TMTC1: variants seen among roughly 807,000 people sequenced by gnomAD.
The protein encoded by TMTC1 is protein O-mannosyl-transferase TMTC1.
A neutral mutation model predicts 104.8 loss-of-function variants in TMTC1; 73 were observed. The ratio of observed to expected loss-of-function variants is 0.70; its 90% CI spans 0.58 to 0.85. TMTC1 has a LOEUF of 0.85. Ranked by LOEUF, TMTC1 falls within the 40% of genes least tolerant of loss-of-function variation. TMTC1 has a pLI of 0.00. For synonymous variants in TMTC1, 434 were observed against 428.7 expected (o/e 1.01, Z -0.15); for missense variants, 1,035 against 1,096.1 (o/e 0.94, Z 0.79).
chr12:29,782,389 A>G (rs1943854334), intron 1 of TMTC1, among the ~76,000 whole-genome samples: 1 of 152,224 alleles, frequency 6.6e-6, no homozygotes, highest in South Asian at 2.1e-4. Context: ...TCTCATCCAG[A>G]GCAGGCTTTT....
At chr12:29,709,266 G>A (rs1370205696) in intron 5 of TMTC1, among the ~76,000 whole-genome samples, 1 of 152,146 alleles carries the variant, frequency 6.6e-6, no homozygotes, top group Admixed American at 6.5e-5. Flanking sequence ...ATCACCAGGT[G>A]TGACCTTAAG....
At chr12:29,522,754 C>A (rs947021817) in intron 11 of TMTC1, among the ~76,000 whole-genome samples, 6 of 152,190 alleles carry the variant, frequency 3.9e-5, no homozygotes, top group Non-Finnish European at 8.8e-5. Flanking sequence ...GATTTGACTG[C>A]GTGGATTCAA....
intron 14 of TMTC1, among the ~76,000 whole-genome samples, chr12:29,516,782 CCT>C (rs1232262500): frequency 6.6e-6 from 1 of 152,152 alleles, no homozygotes; most frequent in East Asian, 1.9e-4. Context: ...GAAAGAATTT[CCT>C]CTGATTTCAT....
intron 5 of TMTC1, among the ~76,000 whole-genome samples, chr12:29,731,411 C>A (rs2136917049): frequency 6.6e-6 from 1 of 152,300 alleles, no homozygotes; most frequent in African/African-American, 2.4e-5. Flanking sequence ...CTGCCTTGGC[C>A]TCCCACAGTG....
intron 11 of TMTC1, among the ~76,000 whole-genome samples, chr12:29,530,987 C>T (rs927571076): frequency 6.6e-6 from 1 of 152,192 alleles, no homozygotes; most frequent in African/African-American, 2.4e-5. Flanking sequence ...TCCTCTCCCA[C>T]ATTAGGTTAG....
At chr12:29,658,760 C>T in intron 5 of TMTC1, 1 of 190,198 alleles carries the variant, frequency 5.3e-6, no homozygotes, top group East Asian at 1.3e-4. Flanking sequence ...TAGAGAACAT[C>T]TATGGGGTGC....
chr12:29,723,905 G>A (rs1435572876), intron 5 of TMTC1, among the ~76,000 whole-genome samples: 4 of 152,124 alleles, frequency 2.6e-5, no homozygotes, highest in African/African-American at 9.7e-5. Flanking sequence ...AAGTAAAGAA[G>A]GGGGACTCAG....
chr12:29,520,814 A>T, intron 11 of TMTC1, 94 bp from the exon 12 acceptor site: 2 of 947,710 alleles, frequency 2.1e-6, no homozygotes, highest in Non-Finnish European at 3.2e-6. Flanking sequence ...AAAAAAAAAT[A>T]AATCTTACTA....
intron 5 of TMTC1, among the ~76,000 whole-genome samples, chr12:29,724,837 T>C (rs1457824335): frequency 2.0e-5 from 3 of 152,098 alleles, no homozygotes; most frequent in Non-Finnish European, 2.9e-5. Context: ...TCTTTTAAAC[T>C]TTACATACAG....
intron 5 of TMTC1, among the ~76,000 whole-genome samples, chr12:29,674,732 C>A (rs919060358): frequency 3.3e-5 from 5 of 152,158 alleles, no homozygotes; most frequent in African/African-American, 1.2e-4. Flanking sequence ...ACTGGCTTTA[C>A]CTGCCGTAAA....
At position 29,769,925 on chromosome 12, in the gene TMTC1, C is replaced by T. The variant is rs1300840741; in HGVS notation, c.303-1850G>A. Among the ~76,000 whole-genome samples the T allele has an allele frequency of 4.6e-5, 7 of 151,698 alleles. No individual in the cohort carries two copies. In the East Asian group the frequency reaches 1.4e-3, roughly 29 times the overall value. ...ATAAAATATATATAAACTATATATA[C>T]ATAAGTATATATACAAATACATACA... On this transcript the variant is annotated intron_variant, in intron 1 of 17. Transcript: ENST00000539277.
intron 5 of TMTC1, chr12:29,666,083 C>A: frequency 2.7e-6 from 1 of 376,392 alleles, no homozygotes; most frequent in Non-Finnish European, 5.1e-6. Flanking sequence ...GACCCATCCT[C>A]ACCTTAAGGT....
intron 5 of TMTC1, among the ~76,000 whole-genome samples, chr12:29,680,148 T>C (rs1940865301): frequency 6.6e-6 from 1 of 152,088 alleles, no homozygotes; most frequent in Non-Finnish European, 1.5e-5. Context: ...GAGACAGAAA[T>C]GTACCATCAA....
At chr12:29,597,091 T>C (rs12312423) in intron 7 of TMTC1, among the ~76,000 whole-genome samples, 6,109 of 152,220 alleles carry the variant, frequency 0.04, 291 homozygotes, top group African/African-American at 0.11. Context: ...ATCCGCAGTA[T>C]CATCTCTTGA....
At chr12:29,743,250 G>C (rs184106716) in intron 5 of TMTC1, among the ~76,000 whole-genome samples, 2 of 152,252 alleles carry the variant, frequency 1.3e-5, no homozygotes, top group Admixed American at 1.3e-4. Flanking sequence ...CAGGCACTCT[G>C]GCAGGAGTCC....
intron 5 of TMTC1, among the ~76,000 whole-genome samples, chr12:29,726,661 A>C (rs761762923): frequency 6.6e-6 from 1 of 152,144 alleles, no homozygotes; most frequent in Non-Finnish European, 1.5e-5. Flanking sequence ...AACACCTGAC[A>C]CTATTGCATC....
chr12:29,751,588 T>A (rs1273723595), intron 5 of TMTC1, 78 bp downstream of exon 5: 19 of 1,507,198 alleles, frequency 1.3e-5, no homozygotes, highest in African/African-American at 2.7e-5. Context: ...AGTGCTTCAC[T>A]TCCCCAGGCA....
intron 5 of TMTC1, among the ~76,000 whole-genome samples, chr12:29,701,164 C>A (rs940189772): frequency 7.2e-5 from 11 of 151,966 alleles, no homozygotes; most frequent in African/African-American, 2.7e-4. Context: ...CACCAGCCCA[C>A]AAGTACAAGT....
intron 5 of TMTC1, among the ~76,000 whole-genome samples, chr12:29,712,844 C>T (rs1423212403): frequency 6.6e-6 from 1 of 152,152 alleles, no homozygotes; most frequent in African/African-American, 2.4e-5. Context: ...TTGGTGATGT[C>T]GAATCTACTG....
Sources: gnomAD v4.1 joint callset for allele counts (sites outside exome capture counted in the v4.1 genomes callset) on GRCh38, gnomAD v4.1.1 for gene constraint, MANE v1.5 for transcripts, NCBI Gene and HGNC (gene_info 2026-07-23, HGNC 2026-07-21) for gene names.